ADAMTSL1: variants seen among roughly 807,000 people sequenced by gnomAD.
ADAMTSL1 encodes the protein ADAMTS like 1.
Under a neutral mutation model 201.8 loss-of-function variants are expected in ADAMTSL1, and 126 were observed. That is an observed-to-expected ratio of 0.62 (90% confidence interval 0.54 to 0.72). ADAMTSL1 has a LOEUF of 0.72. Among genes scored for constraint, ADAMTSL1 ranks in the 30% least tolerant of loss-of-function variants. The pLI, the probability that ADAMTSL1 is intolerant of heterozygous loss-of-function variation, is 0.00. For synonymous variants in ADAMTSL1, 1,121 were observed against 903.4 expected (o/e 1.24, Z -4.32); for missense variants, 2,679 against 2,277.8 (o/e 1.18, Z -3.59).
intron 1 of ADAMTSL1, among the ~76,000 whole-genome samples, chr9:17,988,961 C>G (rs76706379): frequency 2.0e-5 from 3 of 151,782 alleles, no homozygotes; most frequent in Admixed American, 2.0e-4. Flanking sequence ...ACATTAAATA[C>G]TAAGAACAAA....
At chr9:18,346,825 G>A (rs534249449) in intron 2 of ADAMTSL1, among the ~76,000 whole-genome samples, 51 of 152,044 alleles carry the variant, frequency 3.4e-4, no homozygotes, top group Non-Finnish European at 3.8e-4. Flanking sequence ...ACCACACCCT[G>A]CCTCTTCTGA....
chr9:18,116,285 A>G (rs760543863), intron 1 of ADAMTSL1, among the ~76,000 whole-genome samples: 1 of 152,198 alleles, frequency 6.6e-6, no homozygotes, highest in Non-Finnish European at 1.5e-5. Flanking sequence ...GAGATCCAGT[A>G]GCTTCAAGAG....
At chr9:18,455,075 T>G (rs1453899149) in intron 2 of ADAMTSL1, among the ~76,000 whole-genome samples, 1 of 152,174 alleles carries the variant, frequency 6.6e-6, no homozygotes, top group African/African-American at 2.4e-5. Flanking sequence ...ACTATACTAC[T>G]TCCTGTGGAT....
rs1482689408 is a variant in ADAMTSL1 at position 18,892,461 on chromosome 9, T to G, written c.4716T>G (p.Cys1572Trp). Residue 1572 changes from cysteine to tryptophan, a missense_variant, in exon 26 of 29, where the codon TGT becomes TGG. Coordinates refer to ENST00000380548, the MANE Select transcript of ADAMTSL1 (RefSeq NM_001040272.6). The stretch of plus-strand genomic sequence containing the variant: ...GTGTCCAGACCCGCAGGGTGACCTG[T>G]CAAAAGCTGAAAGCCTCTGGGATCT... The part of the protein sequence containing the change: ...GGGVQTRRVT[C>W]QKLKASGIST... 6.2e-7 allele frequency: 1 copy of G among 1,613,352 alleles called. No individual in the cohort carries two copies. Among genetic ancestry groups the G allele is most frequent in the South Asian group, 1.1e-5 (1 of 90,754 alleles).
intron 4 of ADAMTSL1, among the ~76,000 whole-genome samples, chr9:18,592,447 T>C (rs957705094): frequency 6.6e-6 from 1 of 152,188 alleles, no homozygotes; most frequent in African/African-American, 2.4e-5. Flanking sequence ...TGTCCACAGA[T>C]TGGTTGCCAT....
At position 18,384,517 on chromosome 9, in the gene ADAMTSL1, T is replaced by C. The variant is rs144664291; in HGVS notation, c.208-120312T>C. Among the ~76,000 whole-genome samples, 334 of 152,272 alleles carry C rather than the reference T, an allele frequency of 2.2e-3. 2 individuals are homozygous for C. Among genetic ancestry groups the C allele is most frequent in the African/African-American group, 7.7e-3 (319 of 41,554 alleles). On this transcript the variant is annotated intron_variant, in intron 2 of 29. Coordinates refer to the ADAMTSL1 transcript ENST00000680146. ...TCCTTCAATGCCCTCATCTCTCTCTTTCACAGCTCCCTAAGAAGTCTTATT... is the reference window on the plus strand; with the variant it reads ...TCCTTCAATGCCCTCATCTCTCTCTCTCACAGCTCCCTAAGAAGTCTTATT...
Position 18,412,210 on chromosome 9 carries a change from G to A in ADAMTSL1, c.208-92619G>A, listed in dbSNP as rs77725576. 6.0e-4 allele frequency among the ~76,000 whole-genome samples: 92 copies of A among 152,148 alleles called. 3 individuals carry two copies. In the East Asian group the frequency reaches 0.013, roughly 22 times the overall value. On this transcript the variant is annotated intron_variant, in intron 2 of 29. Coordinates refer to the ADAMTSL1 transcript ENST00000680146. ...TATTTAATTTAGGTTCCGTTTTTCC[G>A]GCAAGAACACTTCATAAGTGGAACT...
At chr9:18,122,905 A>C (rs56238965) in intron 1 of ADAMTSL1, among the ~76,000 whole-genome samples, 1 of 151,794 alleles carries the variant, frequency 6.6e-6, no homozygotes, top group African/African-American at 2.4e-5. Flanking sequence ...CACCTGGCTA[A>C]TTTTTGTACT....
At chr9:18,516,665 T>C (rs1460305765) in intron 2 of ADAMTSL1, among the ~76,000 whole-genome samples, 1 of 152,246 alleles carries the variant, frequency 6.6e-6, no homozygotes, top group Non-Finnish European at 1.5e-5. Flanking sequence ...GACTAGATTT[T>C]AGTTTCTCTG....
chr9:18,721,481 C>A, intron 14 of ADAMTSL1, 55 bp from the exon 15 acceptor site: 1 of 1,597,360 alleles, frequency 6.3e-7, no homozygotes, highest in Non-Finnish European at 8.5e-7. Flanking sequence ...ACTTCATCAC[C>A]CCCCACACAC....
At chr9:18,829,748 A>G in intron 22 of ADAMTSL1, 95 bp from the exon 23 acceptor site, 1 of 1,494,924 alleles carries the variant, frequency 6.7e-7, no homozygotes, top group African/African-American at 1.4e-5. Context: ...ACATATACGC[A>G]TACATGTGCA....
At position 18,908,377 on chromosome 9, in the gene ADAMTSL1, G is replaced by A. The variant is rs1166252798; in HGVS notation, c.5183-65G>A. On this transcript the variant is annotated intron_variant, in intron 28 of 28. Transcript: ENST00000380548. ...CCCGGCTGCACCTCACACAGGCTGC[G>A]TTCATTAGTCTCTGTTTCACATCTC... 4.8e-5 allele frequency: 67 copies of A among 1,382,698 alleles called. No homozygotes were observed. The Middle Eastern group carries it at 8.1e-4, about 17-fold the overall frequency. 85.7% of individuals were successfully genotyped at this position (1,382,698 alleles called of 1,614,324 possible).
At chr9:18,900,306 G>T (rs116973712) in intron 26 of ADAMTSL1, among the ~76,000 whole-genome samples, 2,690 of 152,244 alleles carry the variant, frequency 0.018, 30 homozygotes, top group Non-Finnish European at 0.03. Flanking sequence ...CAGAGAAAAA[G>T]GAACACTTTC....
intron 2 of ADAMTSL1, among the ~76,000 whole-genome samples, chr9:18,316,169 T>C (rs944524119): frequency 4.6e-5 from 7 of 151,988 alleles, no homozygotes; most frequent in Admixed American, 2.0e-4. Context: ...TACACGGTAA[T>C]AGAATATCAC....
At chr9:18,538,739 T>C (rs1819949520) in intron 3 of ADAMTSL1, among the ~76,000 whole-genome samples, 1 of 152,186 alleles carries the variant, frequency 6.6e-6, no homozygotes, top group Non-Finnish European at 1.5e-5. Flanking sequence ...TTCATGTGGT[T>C]ATTAACAGTG....
At chr9:18,717,924 GGAC>G in intron 14 of ADAMTSL1, 2 of 1,223,180 alleles carry the variant, frequency 1.6e-6, no homozygotes, top group Non-Finnish European at 2.4e-6. Flanking sequence ...CTATTGAATT[GGAC>G]AACAGTTCTT....
intron 10 of ADAMTSL1, among the ~76,000 whole-genome samples, chr9:18,676,513 A>C (rs1830138572): frequency 6.6e-6 from 1 of 152,094 alleles, no homozygotes; most frequent in Admixed American, 6.6e-5. Flanking sequence ...AACTAGAAAA[A>C]AGGTAATGAA....
chr9:18,906,814 T>G lies in ADAMTSL1; in HGVS notation c.5084T>G (p.Val1695Gly). 6.2e-7 allele frequency: 1 copy of G among 1,613,976 alleles called. No individual in the cohort carries two copies. The highest frequency in any genetic ancestry group is 8.5e-7 in the Non-Finnish European group (1 of 1,179,870). Residue 1695 changes from valine to glycine, a missense_variant, in exon 28 of 29, where the codon GTG (valine) becomes GGG (glycine). Val to Gly is a moderately radical substitution (Grantham distance 109). Transcript: ENST00000380548. The part of the protein sequence containing the change: ...YGFQSRRVEC[V>G]HARTNKAVPE... ...TTCCAGTCCCGGCGTGTGGAGTGTGTGCATGCCCGCACCAACAAGGCAGTG... is the reference window on the plus strand; with the variant it reads ...TTCCAGTCCCGGCGTGTGGAGTGTGGGCATGCCCGCACCAACAAGGCAGTG...
chr9:18,032,910 CCTT>C (rs1031086244), intron 1 of ADAMTSL1, among the ~76,000 whole-genome samples: 1 of 152,178 alleles, frequency 6.6e-6, no homozygotes, highest in Admixed American at 6.5e-5. Flanking sequence ...CCCACTTCCT[CCTT>C]CTTCAGCTTC....
Sources: gnomAD v4.1 joint callset for allele counts (sites outside exome capture counted in the v4.1 genomes callset) on GRCh38, gnomAD v4.1.1 for gene constraint, MANE v1.5 for transcripts, NCBI Gene and HGNC (gene_info 2026-07-23, HGNC 2026-07-21) for gene names.